The following RIMS1 variants were observed in gnomAD, a reference collection of about 807,000 sequenced individuals.
RIMS1 encodes regulating synaptic membrane exocytosis protein 1.
In RIMS1, 83 loss-of-function variants were observed where a neutral mutation model predicts 214.1. The ratio of observed to expected loss-of-function variants is 0.39; its 90% CI spans 0.32 to 0.47. RIMS1 has a LOEUF of 0.47. RIMS1 is among the 20% of genes least tolerant of loss of function. The probability of loss-of-function intolerance (pLI) is 0.99; values close to 1 mark genes in which losing one functional copy is unlikely to be tolerated. For synonymous variants in RIMS1, 793 were observed against 786.8 expected (o/e 1.01, Z -0.13); for missense variants, 2,050 against 2,161.8 (o/e 0.95, Z 1.03).
intron 8 of RIMS1, among the ~76,000 whole-genome samples, chr6:72,237,048 A>G (rs1201248680): frequency 1.3e-5 from 2 of 152,050 alleles, no homozygotes; most frequent in African/African-American, 4.8e-5. Context: ...AATTAAAATT[A>G]AAAAATTATC....
At chr6:72,024,900 G>GTTTTTTTTTTTT (rs777214787) in intron 2 of RIMS1, among the ~76,000 whole-genome samples, 4 of 98,640 alleles carry the variant, frequency 4.1e-5, no homozygotes, top group African/African-American at 1.1e-4. Flanking sequence ...AAATCTGTGG[G>GTTTTTTTTTTTT]TTTTTTTTTT....
intron 4 of RIMS1, among the ~76,000 whole-genome samples, chr6:72,124,262 G>C (rs1203838883): frequency 6.6e-6 from 1 of 151,816 alleles, no homozygotes; most frequent in Non-Finnish European, 1.5e-5. Context: ...GAAAATCTGG[G>C]TTGAAAATTC....
intron 6 of RIMS1, among the ~76,000 whole-genome samples, chr6:72,192,726 G>A (rs187462893): frequency 2.3e-4 from 35 of 152,228 alleles, no homozygotes; most frequent in African/African-American, 7.5e-4. Flanking sequence ...GTTGAGTGCT[G>A]CCCTTGGCTC....
intron 4 of RIMS1, among the ~76,000 whole-genome samples, chr6:72,124,032 T>C (rs1669640101): frequency 1.3e-5 from 2 of 151,952 alleles, no homozygotes; most frequent in South Asian, 4.2e-4. Context: ...TAGCTGGTTA[T>C]TTTGCTTGTT....
At chr6:72,045,351 A>C (rs1376507594) in intron 2 of RIMS1, among the ~76,000 whole-genome samples, 1 of 151,948 alleles carries the variant, frequency 6.6e-6, no homozygotes, top group Non-Finnish European at 1.5e-5. Flanking sequence ...AAGACAGAGG[A>C]ACACTAGATC....
intron 1 of RIMS1, among the ~76,000 whole-genome samples, chr6:71,941,046 G>A (rs996914152): frequency 6.6e-6 from 1 of 152,090 alleles, no homozygotes; most frequent in Non-Finnish European, 1.5e-5. Context: ...CTTAAGGCTG[G>A]CTTGTTCAGG....
At position 72,398,280 on chromosome 6, in the gene RIMS1, G is replaced by T; in HGVS notation, c.4650G>T (p.Lys1550Asn). The T allele has an allele frequency of 6.2e-7, 1 of 1,608,698 alleles. No individual in the cohort carries two copies. The highest frequency in any genetic ancestry group is 1.1e-5 in the South Asian group (1 of 89,432). The change falls in exon 32 of 34, where the codon AAG (lysine) becomes AAT (asparagine). Residue 1550 changes from lysine (K) to asparagine (N), a missense_variant. By Grantham distance (94) the Lys-to-Asn change is moderately conservative. Transcript: ENST00000521978. ...TACAAATAGGAATGGAGGACAAAAA[G>T]GGCCAATTAGAAGTGGAAGTCATTA... ...GDIQIGMEDK[K>N]GQLEVEVIRA...
chr6:71,903,898 A>G (rs906795863), intron 1 of RIMS1, among the ~76,000 whole-genome samples: 1 of 152,154 alleles, frequency 6.6e-6, no homozygotes, highest in South Asian at 2.1e-4. Context: ...ATCTGTTTTC[A>G]TACATGTATG....
intron 6 of RIMS1, among the ~76,000 whole-genome samples, chr6:72,212,057 G>A (rs1177736479): frequency 6.6e-6 from 1 of 152,038 alleles, no homozygotes; most frequent in East Asian, 1.9e-4. Context: ...CAAGGTGATT[G>A]TGTTATTTTT....
chr6:72,321,182 A>G (rs970191966), intron 28 of RIMS1, among the ~76,000 whole-genome samples: 1 of 152,108 alleles, frequency 6.6e-6, no homozygotes, highest in African/African-American at 2.4e-5. Flanking sequence ...TGAATCACTA[A>G]TACAACAAAT....
At chr6:71,943,610 G>A (rs1309770099) in intron 1 of RIMS1, among the ~76,000 whole-genome samples, 1 of 152,192 alleles carries the variant, frequency 6.6e-6, no homozygotes, top group Non-Finnish European at 1.5e-5. Flanking sequence ...AGGACCGGCT[G>A]TTAGTGTGAA....
chr6:72,238,040 T>G, intron 9 of RIMS1, 118 bp downstream of exon 9: 2 of 504,782 alleles, frequency 4.0e-6, no homozygotes, highest in Non-Finnish European at 6.9e-6. Flanking sequence ...TATGTATGTA[T>G]ATATCAATTA....
At chr6:72,101,557 A>G (rs1170096829) in intron 4 of RIMS1, among the ~76,000 whole-genome samples, 1 of 151,948 alleles carries the variant, frequency 6.6e-6, no homozygotes, top group African/African-American at 2.4e-5. Context: ...TATTTTTAGT[A>G]GAGAAATTAT....
chr6:71,940,399 C>T (rs1293544754), intron 1 of RIMS1, among the ~76,000 whole-genome samples: 1 of 152,150 alleles, frequency 6.6e-6, no homozygotes, highest in Non-Finnish European at 1.5e-5. Context: ...TAGGATATTA[C>T]TATATCAATA....
chr6:72,022,463 A>G (rs1265193430), intron 2 of RIMS1, among the ~76,000 whole-genome samples: 1 of 152,208 alleles, frequency 6.6e-6, no homozygotes, highest in South Asian at 2.1e-4. Context: ...ATATTCTAAT[A>G]CATTAGGTAC....
Position 72,398,251 on chromosome 6 carries a change from G to T in RIMS1, c.4621G>T (p.Asp1541Tyr). Reference protein sequence around the residue: ...RQTLATPAMGDIQIGMEDKKG... With the variant: ...RQTLATPAMGYIQIGMEDKKG... ...ATCTTGCTCCTTTCCATTTGCAGGT[G>T]ATATACAAATAGGAATGGAGGACAA... The change falls in exon 32 of 34, where the codon GAT becomes TAT. Residue 1541 changes from aspartate to tyrosine, a missense_variant and splice_region_variant. Asp to Tyr is a radical substitution (Grantham distance 160). Transcript: ENST00000521978. 6.3e-7 allele frequency: 1 copy of T among 1,588,822 alleles called. No individual in the cohort carries two copies. The highest frequency in any genetic ancestry group is 8.6e-7 in the Non-Finnish European group (1 of 1,161,242).
At chr6:72,282,734 G>A (rs2090749006) in intron 23 of RIMS1, among the ~76,000 whole-genome samples, 1 of 152,106 alleles carries the variant, frequency 6.6e-6, no homozygotes, top group African/African-American at 2.4e-5. Context: ...TGGAGTTTAA[G>A]TAAGTTCATA....
intron 2 of RIMS1, among the ~76,000 whole-genome samples, chr6:72,055,354 A>C (rs1321724069): frequency 6.6e-6 from 1 of 152,226 alleles, no homozygotes; most frequent in African/African-American, 2.4e-5. Context: ...CTTCCTTTAA[A>C]GATGAAGAAA....
chr6:72,056,378 G>A (rs1826175104), intron 2 of RIMS1, among the ~76,000 whole-genome samples: 1 of 152,084 alleles, frequency 6.6e-6, no homozygotes, highest in Non-Finnish European at 1.5e-5. Flanking sequence ...CAGTTTACAT[G>A]TCTAACAAAC....
Sources: gnomAD v4.1 joint callset for allele counts (sites outside exome capture counted in the v4.1 genomes callset) on GRCh38, gnomAD v4.1.1 for gene constraint, MANE v1.5 for transcripts, NCBI Gene and HGNC (gene_info 2026-07-23, HGNC 2026-07-21) for gene names.